Variants in PSD3 observed in about 807,000 individuals in gnomAD.
PSD3 encodes PH and SEC7 domain-containing protein 3.
PSD3 carries 49 observed loss-of-function variants against 105.5 expected under a neutral mutation model. The ratio of observed to expected loss-of-function variants is 0.46; its 90% CI spans 0.37 to 0.59. The LOEUF (loss-of-function observed/expected upper bound fraction) is 0.59, where lower values mean the gene tolerates loss of function less well. Among genes scored for constraint, PSD3 ranks in the 20% least tolerant of loss-of-function variants. PSD3 has a pLI of 0.00. For missense variants in PSD3, 1,561 were observed against 1,263.8 expected (o/e 1.24, Z -3.57); for synonymous variants, 557 against 457.8 (o/e 1.22, Z -2.77).
chr8:18,906,513 C>G (rs745696493), intron 2 of PSD3, among the ~76,000 whole-genome samples: 1 of 152,158 alleles, frequency 6.6e-6, no homozygotes, highest in Non-Finnish European at 1.5e-5. Flanking sequence ...CATGTTACTA[C>G]TTGCTAGGAA....
At chr8:18,691,258 C>A (rs901179440) in intron 9 of PSD3, among the ~76,000 whole-genome samples, 1 of 152,134 alleles carries the variant, frequency 6.6e-6, no homozygotes, top group Non-Finnish European at 1.5e-5. Context: ...CATTTTTTCC[C>A]CCTCATGAAC....
chr8:18,665,280 C>T (rs777427562), intron 9 of PSD3, among the ~76,000 whole-genome samples: 13 of 152,204 alleles, frequency 8.5e-5, no homozygotes, highest in South Asian at 2.1e-4. Context: ...AAAATATCAA[C>T]ATCAACAGGA....
intron 1 of PSD3, among the ~76,000 whole-genome samples, chr8:18,988,112 T>TAA (rs1278185129): frequency 6.6e-5 from 10 of 150,796 alleles, no homozygotes; most frequent in African/African-American, 2.2e-4. Flanking sequence ...AATAAATAAA[T>TAA]ACATATATAT....
intron 11 of PSD3, among the ~76,000 whole-genome samples, chr8:18,619,995 A>C (rs574531037): frequency 6.6e-5 from 10 of 152,274 alleles, no homozygotes; most frequent in African/African-American, 2.4e-4. Context: ...AAAAGTCTGA[A>C]AAGAGACATT....
intron 2 of PSD3, chr8:18,924,466 A>C (rs546192376): frequency 9.8e-5 from 15 of 152,372 alleles, no homozygotes; most frequent in African/African-American, 3.6e-4. Context: ...AGGACTAGCC[A>C]CAAAATTATA....
chr8:18,653,752 T>C (rs1808692089), intron 10 of PSD3, among the ~76,000 whole-genome samples: 1 of 151,512 alleles, frequency 6.6e-6, no homozygotes, highest in African/African-American at 2.4e-5. Context: ...ATAAATAAAA[T>C]CTGCTGTAAC....
At chr8:19,056,930 C>A (rs1310586760) in intron 1 of PSD3, among the ~76,000 whole-genome samples, 1 of 152,158 alleles carries the variant, frequency 6.6e-6, no homozygotes, top group African/African-American at 2.4e-5. Flanking sequence ...GTGATGAGCT[C>A]AGCTTACACT....
At chr8:18,710,020 C>T (rs1014369221) in intron 9 of PSD3, among the ~76,000 whole-genome samples, 5 of 152,180 alleles carry the variant, frequency 3.3e-5, no homozygotes, top group African/African-American at 1.2e-4. Flanking sequence ...AAGTAAGCTT[C>T]ACAAGGTGGT....
Position 18,658,393 on chromosome 8 carries a change from C to T in PSD3, c.2173-2708G>A, listed in dbSNP as rs57123296. ...TCCCTTGATTCTTCTTTATCTCTAA[C>T]CTGGCAGTCATTACTTCCTTTCCCG... On this transcript the variant is annotated intron_variant, in intron 9 of 15. Coordinates refer to ENST00000327040, the MANE Select transcript of PSD3 (RefSeq NM_015310.4). Among the ~76,000 whole-genome samples the T allele has an allele frequency of 9.8e-5, 15 of 152,302 alleles. No homozygotes were observed. In the East Asian group the frequency reaches 2.9e-3, roughly 29 times the overall value.
intron 1 of PSD3, among the ~76,000 whole-genome samples, chr8:18,982,856 G>A (rs4348543): frequency 0.28 from 42,884 of 152,056 alleles, 6,840 homozygotes; most frequent in Non-Finnish European, 0.37. Context: ...AGGATTTTTA[G>A]AATGGTAAAT....
intron 9 of PSD3, among the ~76,000 whole-genome samples, chr8:18,701,161 G>A (rs1173856568): frequency 6.7e-6 from 1 of 148,678 alleles, no homozygotes; most frequent in Admixed American, 6.7e-5. Context: ...GTAGAGACAG[G>A]ATCACTCTAT....
At chr8:18,767,652 C>T (rs1807125891) in intron 8 of PSD3, among the ~76,000 whole-genome samples, 1 of 152,060 alleles carries the variant, frequency 6.6e-6, no homozygotes, top group South Asian at 2.1e-4. Context: ...GAGGCTGAGG[C>T]AGAATAACTG....
chr8:18,630,094 A>C lies in PSD3; in HGVS notation c.2410+2519T>G, dbSNP rs76518003. On this transcript the variant is annotated intron_variant, in intron 11 of 15. Coordinates refer to ENST00000327040, the MANE Select transcript of PSD3 (RefSeq NM_015310.4). Reference sequence around the variant, plus strand: ...CCTGGAGATGGGCACGTCTTAACCCATCCATATATTTTCCCTTTGGTTCTG... The same window carrying C: ...CCTGGAGATGGGCACGTCTTAACCCCTCCATATATTTTCCCTTTGGTTCTG... 5.1e-3 allele frequency among the ~76,000 whole-genome samples: 782 copies of C among 151,934 alleles called. 17 individuals are homozygous for C. In the East Asian group the frequency reaches 0.065, roughly 13 times the overall value.
intron 2 of PSD3, among the ~76,000 whole-genome samples, chr8:18,897,096 C>T (rs915111545): frequency 4.6e-5 from 7 of 151,416 alleles, no homozygotes; most frequent in Non-Finnish European, 8.8e-5. Flanking sequence ...CGTGAGCCAC[C>T]GTGCCCGGCC....
At chr8:18,591,669 T>G (rs1803618866) in intron 12 of PSD3, among the ~76,000 whole-genome samples, 1 of 152,086 alleles carries the variant, frequency 6.6e-6, no homozygotes, top group Admixed American at 6.6e-5. Flanking sequence ...GATTTCTCCC[T>G]TGGGAGGGAG....
chr8:18,710,390 G>A (rs1355670541), intron 9 of PSD3, among the ~76,000 whole-genome samples: 1 of 152,122 alleles, frequency 6.6e-6, no homozygotes, highest in African/African-American at 2.4e-5. Flanking sequence ...GAAAGAGACA[G>A]GGGGAACAGA....
At chr8:19,084,506 G>A (rs1025391223) in exon 1 of PSD3, 1 of 432,496 alleles carries the variant, frequency 2.3e-6, no homozygotes. Flanking sequence ...AGCCCATGGA[G>A]GGACTGCTGC....
At chr8:18,648,136 A>T (rs1360877494) in intron 10 of PSD3, among the ~76,000 whole-genome samples, 1 of 151,240 alleles carries the variant, frequency 6.6e-6, no homozygotes, top group Non-Finnish European at 1.5e-5. Flanking sequence ...GCTATAAAAA[A>T]TACCTGAAAA....
intron 1 of PSD3, among the ~76,000 whole-genome samples, chr8:19,060,494 T>G (rs988467912): frequency 6.6e-6 from 1 of 152,114 alleles, no homozygotes; most frequent in Non-Finnish European, 1.5e-5. Flanking sequence ...GCTAGCCAGA[T>G]GTGATGGCAC....
Sources: allele counts gnomAD v4.1 joint callset (sites outside exome capture counted in the v4.1 genomes callset), GRCh38; gene constraint gnomAD v4.1.1; transcripts MANE v1.5; gene names NCBI Gene and HGNC (gene_info 2026-07-23, HGNC 2026-07-21).